ARIH1: variants seen among roughly 807,000 people sequenced by gnomAD.
The protein encoded by ARIH1 is ariadne RBR E3 ubiquitin protein ligase 1.
Under a neutral mutation model 85.0 loss-of-function variants are expected in ARIH1, and 8 were observed. The observed-to-expected ratio is 0.09, with a 90% confidence interval of 0.06 to 0.17. The LOEUF (loss-of-function observed/expected upper bound fraction) is 0.17. ARIH1 is among the 10% of genes least tolerant of loss of function. ARIH1 has a pLI of 1.00. For synonymous variants in ARIH1, 238 were observed against 253.6 expected (o/e 0.94, Z 0.59); for missense variants, 311 against 718.1 (o/e 0.43, Z 6.48).
intron 2 of ARIH1, among the ~76,000 whole-genome samples, chr15:72,542,234 C>G (rs2064110549): frequency 1.3e-5 from 2 of 152,070 alleles, no homozygotes; most frequent in Middle Eastern, 3.2e-3. Context: ...ATATGAACTG[C>G]AGAAATCACA....
intron 1 of ARIH1, among the ~76,000 whole-genome samples, chr15:72,491,769 T>C (rs1326618282): frequency 6.6e-6 from 1 of 152,232 alleles, no homozygotes; most frequent in Non-Finnish European, 1.5e-5. Context: ...ACATTTTTAC[T>C]GTTTTGTGGT....
intron 3 of ARIH1, among the ~76,000 whole-genome samples, chr15:72,551,779 C>G (rs954804588): frequency 2.0e-5 from 3 of 152,066 alleles, no homozygotes; most frequent in African/African-American, 7.2e-5. Flanking sequence ...AGTAAAAAGC[C>G]TCCGTAAATA....
At chr15:72,541,060 C>G (rs866540609) in intron 2 of ARIH1, among the ~76,000 whole-genome samples, 1 of 152,072 alleles carries the variant, frequency 6.6e-6, no homozygotes, top group Non-Finnish European at 1.5e-5. Context: ...ATGGAGGCTG[C>G]GAAGGCCTGG....
At chr15:72,529,605 C>T (rs564034086) in intron 2 of ARIH1, among the ~76,000 whole-genome samples, 4 of 152,158 alleles carry the variant, frequency 2.6e-5, no homozygotes, top group Admixed American at 1.3e-4. Context: ...CACCATGGTA[C>T]GTAGAGATAA....
intron 5 of ARIH1, among the ~76,000 whole-genome samples, chr15:72,559,840 G>A (rs1184143508): frequency 1.1e-4 from 17 of 152,190 alleles, no homozygotes; most frequent in African/African-American, 4.1e-4. Flanking sequence ...ATTCATCCAT[G>A]TTGTATCATG....
Position 72,534,959 on chromosome 15 carries a change from C to CTTTTTTTTTTTTTTTTTTTTT in ARIH1, c.444-9850_444-9849insTTTTTTTTTTTTTTTTTTTTT, listed in dbSNP as rs59841210. Among the ~76,000 whole-genome samples, 525 of 73,854 alleles carry CTTTTTTTTTTTTTTTTTTTTT rather than the reference C, an allele frequency of 7.1e-3. 189 individuals are homozygous for CTTTTTTTTTTTTTTTTTTTTT. Among genetic ancestry groups the CTTTTTTTTTTTTTTTTTTTTT allele is most frequent in the Non-Finnish European group, 0.015 (426 of 28,450 alleles). 48.5% of individuals were successfully genotyped at this position (73,854 alleles called of 152,430 possible). A position where few individuals can be genotyped will look rare whatever the true frequency, so the allele number is the denominator to read the frequency against. ...CCTATGTCTTCTTATTGTCTGTATTCTTTTTTTTTTTGAGACGGAGTCTCG... is the reference window on the plus strand; with the variant it reads ...CCTATGTCTTCTTATTGTCTGTATTCTTTTTTTTTTTTTTTTTTTTTTTTTTTTTTTTGAGACGGAGTCTCG... On this transcript the variant is annotated intron_variant, in intron 2 of 13. Transcript: ENST00000379887.
chr15:72,490,414 C>T (rs1342230921), intron 1 of ARIH1, among the ~76,000 whole-genome samples: 2 of 152,018 alleles, frequency 1.3e-5, no homozygotes, highest in Admixed American at 6.6e-5. Flanking sequence ...AGATTGGCAG[C>T]GGCATTAGAT....
chr15:72,474,888 C>CGGCGGCGGT lies in ARIH1; in HGVS notation c.252_260dup (p.Gly88_Gly90dup), dbSNP rs1182579403. Reference sequence around the variant, plus strand: ...GGCCCGGCGGTGGCGGCGGCGGCGGCGGCGGCGGTGGTGGTGGCGGGCCGG... The same window carrying CGGCGGCGGT: ...GGCCCGGCGGTGGCGGCGGCGGCGGCGGCGGCGGTGGCGGCGGTGGTGGTGGCGGGCCGG... On this transcript the variant is annotated inframe_insertion, in exon 1 of 14. Coordinates refer to ENST00000379887, the MANE Select transcript of ARIH1 (RefSeq NM_005744.5). The CGGCGGCGGT allele has an allele frequency of 8.4e-5, 120 of 1,427,932 alleles. No homozygotes were observed. The highest frequency in any genetic ancestry group is 1.0e-4 in the Non-Finnish European group (113 of 1,085,178). The allele number at this position is 1,427,932 out of a possible 1,614,324, so 88.5% of individuals were successfully genotyped here. A position where few individuals can be genotyped will look rare whatever the true frequency, so the allele number is the denominator to read the frequency against.
intron 3 of ARIH1, among the ~76,000 whole-genome samples, chr15:72,550,174 A>T (rs2064147429): frequency 6.6e-6 from 1 of 152,178 alleles, no homozygotes; most frequent in East Asian, 1.9e-4. Flanking sequence ...TTGTTATCTG[A>T]TTAGAGAAGT....
intron 1 of ARIH1, among the ~76,000 whole-genome samples, chr15:72,514,157 T>C (rs1415324943): frequency 6.6e-6 from 1 of 151,868 alleles, no homozygotes; most frequent in African/African-American, 2.4e-5. Flanking sequence ...TGCTTTTTTG[T>C]CTGATAATGT....
intron 2 of ARIH1, among the ~76,000 whole-genome samples, chr15:72,531,891 GTTGA>G (rs2064058839): frequency 6.6e-6 from 1 of 152,114 alleles, no homozygotes; most frequent in Non-Finnish European, 1.5e-5. Flanking sequence ...TTCTGCCAGT[GTTGA>G]TTGAAGTTTC....
At chr15:72,504,977 A>G (rs2063918712) in intron 1 of ARIH1, among the ~76,000 whole-genome samples, 1 of 152,234 alleles carries the variant, frequency 6.6e-6, no homozygotes. Flanking sequence ...TACACATGAT[A>G]ATTTCTTAGA....
chr15:72,511,191 T>C (rs2063949169), intron 1 of ARIH1, among the ~76,000 whole-genome samples: 1 of 152,230 alleles, frequency 6.6e-6, no homozygotes, highest in Non-Finnish European at 1.5e-5. Context: ...CTTCACATAT[T>C]AAATTTATAC....
chr15:72,549,067 G>A (rs1278238663), intron 3 of ARIH1, among the ~76,000 whole-genome samples: 1 of 151,150 alleles, frequency 6.6e-6, no homozygotes, highest in African/African-American at 2.4e-5. Context: ...ATGTAGCTTC[G>A]ACTACAGCGT....
chr15:72,477,921 C>T (rs953649088), intron 1 of ARIH1, among the ~76,000 whole-genome samples: 4 of 151,572 alleles, frequency 2.6e-5, no homozygotes, highest in African/African-American at 9.7e-5. Flanking sequence ...TTCCCCTTGC[C>T]TCAGCTTCCC....
chr15:72,512,795 T>G (rs1429983053), intron 1 of ARIH1, among the ~76,000 whole-genome samples: 1 of 152,068 alleles, frequency 6.6e-6, no homozygotes, highest in African/African-American at 2.4e-5. Context: ...ATGGTTTAAT[T>G]TGGAAGTAGG....
chr15:72,542,105 A>G (rs2064109840), intron 2 of ARIH1, among the ~76,000 whole-genome samples: 1 of 152,114 alleles, frequency 6.6e-6, no homozygotes, highest in Non-Finnish European at 1.5e-5. Flanking sequence ...TCCTGGCTTT[A>G]CTCCTTATTA....
intron 3 of ARIH1, among the ~76,000 whole-genome samples, chr15:72,554,579 G>A: frequency 6.6e-6 from 1 of 152,084 alleles, no homozygotes; most frequent in East Asian, 1.9e-4. Flanking sequence ...TGGAGACAGA[G>A]TCTCACTATG....
chr15:72,570,212 T>C lies in ARIH1; in HGVS notation c.1062T>C (p.Asp354=). The C allele has an allele frequency of 1.2e-6, 2 of 1,614,148 alleles. No individual in the cohort carries two copies. The highest frequency in any genetic ancestry group is 1.7e-6 in the Non-Finnish European group (2 of 1,179,982). ...AATGCCATGTCACAATTGAGAAGGA[T>C]GGTGGTTGTAATCACATGGTCTGTC... is the stretch of plus-strand genomic sequence containing the variant. The part of the protein sequence containing the change: ...CPKCHVTIEK[D]GGCNHMVCRN... Residue 354 remains aspartate (D), a synonymous_variant, in exon 10 of 14, where the codon GAT becomes GAC. Coordinates refer to ENST00000379887, the MANE Select transcript of ARIH1 (RefSeq NM_005744.5).
Sources: gnomAD v4.1 joint callset for allele counts (sites outside exome capture counted in the v4.1 genomes callset) on GRCh38, gnomAD v4.1.1 for gene constraint, MANE v1.5 for transcripts, NCBI Gene and HGNC (gene_info 2026-07-23, HGNC 2026-07-21) for gene names.